The following KCTD8 variants were observed in gnomAD, a reference collection of about 807,000 sequenced individuals.
KCTD8 encodes BTB/POZ domain-containing protein KCTD8.
A neutral mutation model predicts 31.5 loss-of-function variants in KCTD8; 27 were observed. The ratio of observed to expected loss-of-function variants is 0.86; its 90% confidence interval spans 0.63 to 1.18. KCTD8 has a LOEUF of 1.18. Ranked by LOEUF, KCTD8 falls within the 50% of genes most tolerant of loss-of-function variation. The pLI, the probability that KCTD8 is intolerant of heterozygous loss-of-function variation, is 0.00. For synonymous variants in KCTD8, 290 were observed against 280.0 expected (o/e 1.04, Z -0.36); for missense variants, 658 against 647.7 (o/e 1.02, Z -0.17).
intron 1 of KCTD8, among the ~76,000 whole-genome samples, chr4:44,214,160 G>A (rs1363662517): frequency 1.3e-5 from 2 of 151,994 alleles, no homozygotes; most frequent in Non-Finnish European, 2.9e-5. Flanking sequence ...CAATCATCTG[G>A]CCCTTCTTTG....
intron 1 of KCTD8, among the ~76,000 whole-genome samples, chr4:44,367,380 C>A (rs1282141390): frequency 6.6e-6 from 1 of 152,090 alleles, no homozygotes; most frequent in Non-Finnish European, 1.5e-5. Context: ...ATCAACCAAC[C>A]AACCAATCAA....
chr4:44,311,250 T>A (rs1178075384), intron 1 of KCTD8, among the ~76,000 whole-genome samples: 1 of 152,122 alleles, frequency 6.6e-6, no homozygotes, highest in Non-Finnish European at 1.5e-5. Flanking sequence ...AGACAATATC[T>A]GCAATGAGCA....
intron 1 of KCTD8, among the ~76,000 whole-genome samples, chr4:44,262,688 C>T (rs1461687865): frequency 6.6e-6 from 1 of 151,890 alleles, no homozygotes; most frequent in Non-Finnish European, 1.5e-5. Context: ...TGTTATAGTT[C>T]TAGAAAATTA....
chr4:44,260,773 A>T (rs1311972855), intron 1 of KCTD8, among the ~76,000 whole-genome samples: 1 of 152,050 alleles, frequency 6.6e-6, no homozygotes, highest in Non-Finnish European at 1.5e-5. Context: ...GGGTTGGATC[A>T]CAGCAGCCAC....
intron 1 of KCTD8, among the ~76,000 whole-genome samples, chr4:44,377,876 T>C (rs1024618037): frequency 6.6e-6 from 1 of 152,132 alleles, no homozygotes; most frequent in Non-Finnish European, 1.5e-5. Context: ...AAGCTTTTCT[T>C]GAGCCCAAGC....
chr4:44,359,505 A>G (rs1719442826), intron 1 of KCTD8, among the ~76,000 whole-genome samples: 1 of 152,208 alleles, frequency 6.6e-6, no homozygotes, highest in South Asian at 2.1e-4. Flanking sequence ...AGAAGGAAAC[A>G]ACATATATAG....
At chr4:44,328,680 G>T (rs1173049525) in intron 1 of KCTD8, among the ~76,000 whole-genome samples, 1 of 151,944 alleles carries the variant, frequency 6.6e-6, no homozygotes, top group African/African-American at 2.4e-5. Context: ...GCCATCCAAA[G>T]AGTTGCTTTT....
chr4:44,376,159 C>A (rs1408007218), intron 1 of KCTD8, among the ~76,000 whole-genome samples: 1 of 152,102 alleles, frequency 6.6e-6, no homozygotes, highest in Non-Finnish European at 1.5e-5. Flanking sequence ...ATTTTGTGGA[C>A]CGTGCATGTT....
At chr4:44,413,310 C>A (rs2109465290) in intron 1 of KCTD8, among the ~76,000 whole-genome samples, 1 of 152,234 alleles carries the variant, frequency 6.6e-6, no homozygotes, top group African/African-American at 2.4e-5. Flanking sequence ...TAATATCTAA[C>A]TGAAATAGCA....
At chr4:44,286,366 C>A (rs1186739301) in intron 1 of KCTD8, among the ~76,000 whole-genome samples, 2 of 152,098 alleles carry the variant, frequency 1.3e-5, no homozygotes, top group Non-Finnish European at 2.9e-5. Flanking sequence ...TAATTCATGG[C>A]AACATTTTCT....
intron 1 of KCTD8, among the ~76,000 whole-genome samples, chr4:44,434,543 C>A (rs1373834887): frequency 6.6e-6 from 1 of 151,878 alleles, no homozygotes; most frequent in Non-Finnish European, 1.5e-5. Context: ...GATGTCTATA[C>A]TCACCCATCA....
chr4:44,377,015 T>C (rs576029281), intron 1 of KCTD8, among the ~76,000 whole-genome samples: 1 of 152,256 alleles, frequency 6.6e-6, no homozygotes, highest in East Asian at 1.9e-4. Flanking sequence ...AGTAAAAACA[T>C]AAATGAGGCC....
chr4:44,333,184 T>C (rs1195540188), intron 1 of KCTD8, among the ~76,000 whole-genome samples: 1 of 150,556 alleles, frequency 6.6e-6, no homozygotes, highest in African/African-American at 2.4e-5. Context: ...AATTTTAGAC[T>C]TTGGAAAAGA....
At chr4:44,424,719 A>T (rs1348722057) in intron 1 of KCTD8, among the ~76,000 whole-genome samples, 5 of 152,078 alleles carry the variant, frequency 3.3e-5, no homozygotes, top group Non-Finnish European at 7.4e-5. Flanking sequence ...AACCCTAAAA[A>T]TATGAACTCT....
rs572187519 is a variant in KCTD8, at chr4:44,272,117, T to C, written c.962-96867A>G. On this transcript the variant is annotated intron_variant, in intron 1 of 1. Coordinates refer to ENST00000360029, the MANE Select transcript of KCTD8 (RefSeq NM_198353.3). ...GTCCATCAATAAATACCCATGGTAT[T>C]ATATTATATATATATATATATATAA... Among the ~76,000 whole-genome samples the C allele has an allele frequency of 9.8e-5, 11 of 112,802 alleles. No individual in the cohort carries two copies. In the East Asian group the frequency reaches 2.2e-3, roughly 23 times the overall value. The allele number at this position is 112,802 out of a possible 152,430, so 74.0% of individuals were successfully genotyped here.
intron 1 of KCTD8, among the ~76,000 whole-genome samples, chr4:44,330,076 A>G (rs775211826): frequency 1.3e-5 from 2 of 151,974 alleles, no homozygotes. Context: ...TGCAATGAAC[A>G]TGTCAGCTTT....
chr4:44,326,523 C>T (rs1718446587), intron 1 of KCTD8, among the ~76,000 whole-genome samples: 1 of 151,798 alleles, frequency 6.6e-6, no homozygotes, highest in Non-Finnish European at 1.5e-5. Context: ...CCAAGATAAT[C>T]ACCTCTACTA....
intron 1 of KCTD8, among the ~76,000 whole-genome samples, chr4:44,225,592 C>T (rs953480211): frequency 3.9e-5 from 6 of 152,060 alleles, no homozygotes; most frequent in African/African-American, 1.4e-4. Context: ...ATTTATTAAG[C>T]TTCCATCACT....
At chr4:44,357,755 A>AT (rs559690396) in intron 1 of KCTD8, among the ~76,000 whole-genome samples, 3 of 151,834 alleles carry the variant, frequency 2.0e-5, no homozygotes, top group Non-Finnish European at 2.9e-5. Context: ...TTAAGTAGAG[A>AT]TTTTTTTTCA....
Sources: gnomAD v4.1 joint callset for allele counts (sites outside exome capture counted in the v4.1 genomes callset) on GRCh38, gnomAD v4.1.1 for gene constraint, MANE v1.5 for transcripts, NCBI Gene and HGNC (gene_info 2026-07-23, HGNC 2026-07-21) for gene names.